SLC17A6: variants seen among roughly 807,000 people sequenced by gnomAD.
The protein encoded by SLC17A6 is vesicular glutamate transporter 2.
SLC17A6 carries 35 observed loss-of-function variants against 67.1 expected under a neutral mutation model. That is an observed-to-expected ratio of 0.52 (90% confidence interval 0.40 to 0.69). The LOEUF is 0.69. SLC17A6 is among the 30% of genes least tolerant of loss of function. The probability of loss-of-function intolerance (pLI) is 0.00; values close to 1 mark genes in which losing one functional copy is unlikely to be tolerated. For missense variants in SLC17A6, 588 were observed against 723.9 expected, an observed-to-expected ratio of 0.81 and a Z score of 2.15; for synonymous variants, 285 against 252.3, an observed-to-expected ratio of 1.13 and a Z score of -1.23.
intron 7 of SLC17A6, among the ~76,000 whole-genome samples, chr11:22,369,498 A>G (rs921604682): frequency 2.6e-5 from 4 of 152,158 alleles, no homozygotes; most frequent in African/African-American, 9.6e-5. Context: ...AAGATAATTT[A>G]TGATTGATTG....
At chr11:22,345,854 T>C (rs1439390505) in intron 3 of SLC17A6, among the ~76,000 whole-genome samples, 1 of 152,168 alleles carries the variant, frequency 6.6e-6, no homozygotes, top group East Asian at 1.9e-4. Context: ...AAAAATTTAA[T>C]CAGCCTGATA....
chr11:22,345,334 A>G (rs1304700093), intron 3 of SLC17A6, among the ~76,000 whole-genome samples: 1 of 145,238 alleles, frequency 6.9e-6, no homozygotes, highest in Non-Finnish European at 1.5e-5. Context: ...TTTTTTTGAG[A>G]TGGATTCTCA....
At chr11:22,376,472 T>A (rs1461305735) in intron 10 of SLC17A6, 73 bp from the exon 11 acceptor site, 53 of 1,534,942 alleles carry the variant, frequency 3.5e-5, no homozygotes, top group Non-Finnish European at 4.6e-5. Context: ...GGAGTTGTGA[T>A]GTGTGGTTCT....
chr11:22,371,437 C>T (rs1209080621), intron 8 of SLC17A6, among the ~76,000 whole-genome samples: 2 of 151,980 alleles, frequency 1.3e-5, no homozygotes, highest in Non-Finnish European at 2.9e-5. Flanking sequence ...AGAAGAATGG[C>T]TGCTTTAGAC....
chr11:22,360,234 C>A (rs1030493380), intron 4 of SLC17A6, among the ~76,000 whole-genome samples: 10 of 151,856 alleles, frequency 6.6e-5, no homozygotes, highest in Admixed American at 3.3e-4. Context: ...GAACAGAAAA[C>A]CAAACACTGC....
intron 3 of SLC17A6, among the ~76,000 whole-genome samples, chr11:22,358,244 T>C (rs1255887028): frequency 6.6e-6 from 1 of 152,234 alleles, no homozygotes; most frequent in African/African-American, 2.4e-5. Flanking sequence ...AAAACATCTT[T>C]GCAAGGGAAT....
intron 3 of SLC17A6, among the ~76,000 whole-genome samples, chr11:22,346,779 G>A (rs891010850): frequency 2.0e-5 from 3 of 149,118 alleles, no homozygotes; most frequent in South Asian, 2.1e-4. Flanking sequence ...TGAAGAACAC[G>A]GACACGTGTT....
chr11:22,364,044 T>A (rs1423499026), intron 6 of SLC17A6, among the ~76,000 whole-genome samples: 1 of 152,166 alleles, frequency 6.6e-6, no homozygotes, highest in African/African-American at 2.4e-5. Flanking sequence ...AAGTTATATC[T>A]CATTTGATAT....
At chr11:22,369,918 T>A in intron 7 of SLC17A6, 121 bp from the exon 8 acceptor site, 1 of 850,782 alleles carries the variant, frequency 1.2e-6, no homozygotes, top group Non-Finnish European at 1.8e-6. Flanking sequence ...CTTCACTACA[T>A]CTTCCTACTT....
intron 7 of SLC17A6, among the ~76,000 whole-genome samples, chr11:22,367,065 T>C (rs1183811731): frequency 6.6e-6 from 1 of 150,702 alleles, no homozygotes; most frequent in East Asian, 2.0e-4. Context: ...TTTAGACATA[T>C]TGAGGCATTA....
chr11:22,345,214 A>T (rs1002161), intron 3 of SLC17A6, among the ~76,000 whole-genome samples: 7,640 of 134,004 alleles, frequency 0.057, 496 homozygotes, highest in East Asian at 0.29. Context: ...TTATTTAAAT[A>T]AAAAAAAAAA....
chr11:22,350,920 T>C (rs990488996), intron 3 of SLC17A6, among the ~76,000 whole-genome samples: 3 of 152,168 alleles, frequency 2.0e-5, no homozygotes, highest in African/African-American at 7.2e-5. Flanking sequence ...GCTAGAGTAT[T>C]TCATTGATAG....
chr11:22,362,203 C>T (rs146681220), intron 5 of SLC17A6: 6 of 432,688 alleles, frequency 1.4e-5, no homozygotes, highest in Non-Finnish European at 2.3e-5. Flanking sequence ...AGGGGAAAAA[C>T]GTGATAACTT....
chr11:22,372,537 T>A (rs1856185347), intron 8 of SLC17A6, among the ~76,000 whole-genome samples: 1 of 151,998 alleles, frequency 6.6e-6, no homozygotes, highest in Non-Finnish European at 1.5e-5. Flanking sequence ...CAAATGAGAA[T>A]AGACATCCAT....
intron 8 of SLC17A6, among the ~76,000 whole-genome samples, chr11:22,372,181 T>G (rs899340570): frequency 5.3e-5 from 8 of 151,954 alleles, no homozygotes; most frequent in Non-Finnish European, 1.0e-4. Context: ...ACCTTCATTC[T>G]AAGTATACTG....
At chr11:22,363,111 T>C (rs1156402784) in intron 6 of SLC17A6, among the ~76,000 whole-genome samples, 1 of 152,036 alleles carries the variant, frequency 6.6e-6, no homozygotes, top group Admixed American at 6.6e-5. Flanking sequence ...TTAAATTAGC[T>C]CTTGATTAAA....
At chr11:22,357,788 G>T (rs897492509) in intron 3 of SLC17A6, among the ~76,000 whole-genome samples, 9 of 152,140 alleles carry the variant, frequency 5.9e-5, no homozygotes, top group African/African-American at 2.2e-4. Flanking sequence ...ATAAAAGTTT[G>T]TCCTCAAACC....
chr11:22,361,083 G>T (rs1037859695), intron 5 of SLC17A6, 99 bp downstream of exon 5: 1 of 865,076 alleles, frequency 1.2e-6, no homozygotes, highest in East Asian at 2.8e-5. Context: ...AAACCATCTG[G>T]GTTTTGTATG....
At chr11:22,374,911 G>A (rs1342489942) in intron 9 of SLC17A6, 24 bp downstream of exon 9, 7 of 1,593,430 alleles carry the variant, frequency 4.4e-6, no homozygotes, top group African/African-American at 1.3e-5. Flanking sequence ...TGGCACTAAG[G>A]ACATGTTTTT....
Sources: gnomAD v4.1 joint callset for allele counts (sites outside exome capture counted in the v4.1 genomes callset) on GRCh38, gnomAD v4.1.1 for gene constraint, MANE v1.5 for transcripts, NCBI Gene and HGNC (gene_info 2026-07-23, HGNC 2026-07-21) for gene names.